Variants in TENM2 observed in about 807,000 individuals in gnomAD.
The protein encoded by TENM2 is teneurin-2.
A neutral mutation model predicts 245.2 loss-of-function variants in TENM2; 52 were observed. That is an observed-to-expected ratio of 0.21 (90% CI 0.17 to 0.27). The LOEUF is 0.27. Among genes scored for constraint, TENM2 ranks in the 10% least tolerant of loss-of-function variants. The pLI, the probability that TENM2 is intolerant of heterozygous loss-of-function variation, is 1.00. For missense variants in TENM2, 3,046 were observed against 3,666.8 expected, an observed-to-expected ratio of 0.83 and a Z score of 4.37; for synonymous variants, 1,363 against 1,438.9, an observed-to-expected ratio of 0.95 and a Z score of 1.19.
the TENM2 span, among the ~76,000 whole-genome samples, chr5:167,201,037 C>G: frequency 6.6e-6 from 1 of 151,986 alleles, no homozygotes; most frequent in Non-Finnish European, 1.5e-5. Context: ...ATGCTGTTAA[C>G]CTGCCTGCCA....
chr5:167,487,506 A>G (rs1180739166), intron 2 of TENM2, among the ~76,000 whole-genome samples: 2 of 152,150 alleles, frequency 1.3e-5, no homozygotes, highest in African/African-American at 2.4e-5. Context: ...GTTTATGCAC[A>G]TGCTACGTGT....
chr5:168,261,390 A>G (rs1768175188), intron 28 of TENM2, among the ~76,000 whole-genome samples: 1 of 152,112 alleles, frequency 6.6e-6, no homozygotes, highest in African/African-American at 2.4e-5. Flanking sequence ...GTGCTTCTCA[A>G]ATGTTCATAT....
At chr5:167,275,870 C>A in the TENM2 span, among the ~76,000 whole-genome samples, 1 of 152,076 alleles carries the variant, frequency 6.6e-6, no homozygotes, top group Middle Eastern at 3.4e-3. Flanking sequence ...TGTGTTGTTG[C>A]ACCATCTAGA....
At chr5:167,922,776 G>A (rs1301539285) in intron 3 of TENM2, among the ~76,000 whole-genome samples, 1 of 152,152 alleles carries the variant, frequency 6.6e-6, no homozygotes, top group Non-Finnish European at 1.5e-5. Flanking sequence ...CCTCTTTGAA[G>A]CCTTGTCCTT....
intron 5 of TENM2, among the ~76,000 whole-genome samples, chr5:167,994,338 C>A (rs1387377730): frequency 2.6e-5 from 4 of 152,212 alleles, no homozygotes; most frequent in Admixed American, 6.5e-5. Flanking sequence ...CTTGCCCCTT[C>A]CCTCAACATA....
chr5:167,203,131 T>G, the TENM2 span, among the ~76,000 whole-genome samples: 4 of 152,320 alleles, frequency 2.6e-5, no homozygotes, highest in East Asian at 7.7e-4. Flanking sequence ...ACTTGAATAA[T>G]CTTCCAGAGC....
At chr5:167,554,701 T>C (rs897884242) in intron 2 of TENM2, among the ~76,000 whole-genome samples, 5 of 152,180 alleles carry the variant, frequency 3.3e-5, no homozygotes, top group East Asian at 3.9e-4. Context: ...ACTAAGCTGG[T>C]ACACAGAGGG....
Position 167,900,947 on chromosome 5 carries a change from G to A in TENM2, c.712+24752G>A, listed in dbSNP as rs182062119. On this transcript the variant is annotated intron_variant, in intron 3 of 28. Coordinates refer to ENST00000518659, the Ensembl canonical transcript of TENM2. The stretch of plus-strand genomic sequence containing the variant: ...TCCTGAGGAGTCCTGCGGGGTGGGG[G>A]ACAGGAATGTAAAAAAGGCCTGAGA... Among the ~76,000 whole-genome samples, 4 of 152,170 alleles carry A rather than the reference G, an allele frequency of 2.6e-5. No individual in the cohort carries two copies. The East Asian group carries it at 7.7e-4, about 29-fold the overall frequency.
chr5:167,502,975 G>A (rs1051052841), intron 2 of TENM2, among the ~76,000 whole-genome samples: 10 of 152,140 alleles, frequency 6.6e-5, no homozygotes, highest in South Asian at 2.1e-4. Flanking sequence ...GACTACAGGC[G>A]CACGCCACCA....
At chr5:168,203,918 C>A (rs1762138965) in intron 18 of TENM2, 86 bp downstream of exon 20, 3 of 1,178,604 alleles carry the variant, frequency 2.5e-6, no homozygotes, top group South Asian at 5.7e-5. Context: ...AGTGATCACA[C>A]CTCCCCTTCC....
At chr5:167,597,358 G>T (rs1054857186) in intron 2 of TENM2, among the ~76,000 whole-genome samples, 13 of 151,778 alleles carry the variant, frequency 8.6e-5, no homozygotes, top group African/African-American at 2.9e-4. Flanking sequence ...GTAGAGACAG[G>T]GTTTCACCAT....
chr5:168,133,607 G>T (rs1029729801), intron 12 of TENM2, among the ~76,000 whole-genome samples: 1 of 152,208 alleles, frequency 6.6e-6, no homozygotes, highest in East Asian at 1.9e-4. Context: ...ATGAGGCATT[G>T]TTGAATTATT....
At chr5:168,220,275 A>G (rs1763559723) in intron 23 of TENM2, among the ~76,000 whole-genome samples, 1 of 152,122 alleles carries the variant, frequency 6.6e-6, no homozygotes, top group Admixed American at 6.5e-5. Flanking sequence ...TTTCAGAAAC[A>G]ATTTGTTGGC....
At chr5:167,879,126 C>T (rs773563321) in intron 3 of TENM2, among the ~76,000 whole-genome samples, 40 of 152,132 alleles carry the variant, frequency 2.6e-4, no homozygotes, top group Non-Finnish European at 4.6e-4. Flanking sequence ...ACTACAGGAA[C>T]GAAAATGTTT....
chr5:167,571,520 A>C (rs1374741080), intron 2 of TENM2, among the ~76,000 whole-genome samples: 1 of 152,052 alleles, frequency 6.6e-6, no homozygotes, highest in African/African-American at 2.4e-5. Context: ...CACCCTACTC[A>C]AGGTATCTTA....
chr5:167,107,414 C>T, the TENM2 span, among the ~76,000 whole-genome samples: 3 of 152,108 alleles, frequency 2.0e-5, no homozygotes, highest in African/African-American at 2.4e-5. Context: ...GATCAATAAA[C>T]AAGTGTGTTG....
intron 2 of TENM2, among the ~76,000 whole-genome samples, chr5:167,790,159 C>T (rs1046821082): frequency 6.6e-6 from 1 of 151,912 alleles, no homozygotes. Context: ...GCTTTGATTC[C>T]TGCACAGAGC....
chr5:167,571,546 C>T (rs896323843), intron 2 of TENM2, among the ~76,000 whole-genome samples: 1 of 152,134 alleles, frequency 6.6e-6, no homozygotes, highest in African/African-American at 2.4e-5. Context: ...CACATATCCA[C>T]TCCACTACAA....
At chr5:166,986,160 C>G in the TENM2 span, among the ~76,000 whole-genome samples, 217 of 152,196 alleles carry the variant, frequency 1.4e-3, no homozygotes, top group African/African-American at 5.0e-3. Context: ...TTTTATTGAC[C>G]ATTATGAATA....
Sources: allele counts gnomAD v4.1 joint callset (sites outside exome capture counted in the v4.1 genomes callset), GRCh38; gene constraint gnomAD v4.1.1; transcripts MANE v1.5; gene names NCBI Gene and HGNC (gene_info 2026-07-23, HGNC 2026-07-21).